The following EPHA7 variants were observed in gnomAD, a reference collection of about 807,000 sequenced individuals.
The protein encoded by EPHA7 is EPH receptor A7.
A neutral mutation model predicts 112.6 loss-of-function variants in EPHA7; 25 were observed. The ratio of observed to expected loss-of-function variants is 0.22; its 90% CI spans 0.16 to 0.31. EPHA7 has a LOEUF of 0.31. Ranked by LOEUF, EPHA7 falls within the 10% of genes least tolerant of loss-of-function variation. The probability of loss-of-function intolerance (pLI) is 1.00; values close to 1 mark genes in which losing one functional copy is unlikely to be tolerated. For missense variants in EPHA7, 962 were observed against 1,212.6 expected, an observed-to-expected ratio of 0.79 and a Z score of 3.07; for synonymous variants, 437 against 406.5, an observed-to-expected ratio of 1.07 and a Z score of -0.90.
At chr6:93,336,131 C>A (rs2127911449) in intron 5 of EPHA7, among the ~76,000 whole-genome samples, 1 of 152,056 alleles carries the variant, frequency 6.6e-6, no homozygotes, top group East Asian at 1.9e-4. Context: ...CTACTGCTAC[C>A]CTACTACTAG....
Position 93,242,475 on chromosome 6 carries a change from T to C in EPHA7, c.*951A>G. The C allele has an allele frequency of 5.1e-6, 1 of 197,562 alleles. No individual in the cohort carries two copies. Among genetic ancestry groups the C allele is most frequent in the South Asian group, 1.9e-4 (1 of 5,198 alleles). The allele number at this position is 197,562 out of a possible 1,614,324, so 12.2% of individuals were successfully genotyped here. On this transcript the variant is annotated 3_prime_UTR_variant, in exon 17 of 17. Coordinates refer to ENST00000369303, the MANE Select transcript of EPHA7 (RefSeq NM_004440.4). ...TAATGTCACGAGAATGAAAAAATCT[T>C]GATGTGCTCAGATTAATTTTTAGAT...
At position 93,246,932 on chromosome 6, in the gene EPHA7, T is replaced by A. The variant is rs2127847187; in HGVS notation, c.2586A>T (p.Pro862=). The A allele has an allele frequency of 6.2e-7, 1 of 1,613,592 alleles. No individual in the cohort carries two copies. The highest frequency in any genetic ancestry group is 1.7e-5 in the Admixed American group (1 of 60,022). ...CCAACATTAGCTGGTGAAGGCCAGC[T>A]GGGCAGTCCATGGGTGCTGGTAAAC... ...GYRLPAPMDC[P]AGLHQLMLDC... Residue 862 remains proline (P), a synonymous_variant, in exon 15 of 17, where the codon CCA becomes CCT. Coordinates refer to ENST00000369303, the MANE Select transcript of EPHA7 (RefSeq NM_004440.4).
intron 7 of EPHA7, among the ~76,000 whole-genome samples, chr6:93,265,253 TG>T (rs1417107041): frequency 6.6e-6 from 1 of 151,754 alleles, no homozygotes; most frequent in East Asian, 1.9e-4. Flanking sequence ...ACATTGTCTG[TG>T]TTAATTTTCA....
chr6:93,405,803 G>GTATA (rs1394311184), intron 3 of EPHA7, among the ~76,000 whole-genome samples: 8 of 62,440 alleles, frequency 1.3e-4, no homozygotes, highest in South Asian at 1.2e-3. Flanking sequence ...GTGTGTGTGT[G>GTATA]TGTGTGTGTG....
chr6:93,333,642 TTTTATGTATTTGCTGGCCACC>T (rs1167863060), intron 5 of EPHA7, among the ~76,000 whole-genome samples: 1 of 151,966 alleles, frequency 6.6e-6, no homozygotes, highest in Admixed American at 6.6e-5. Context: ...TTGAGCATTT[TTTTATGTATTTGCTGGCCACC>T]TGTATGTTCT....
At chr6:93,414,622 G>T in intron 2 of EPHA7, 81 bp downstream of exon 2, 1 of 1,038,570 alleles carries the variant, frequency 9.6e-7, no homozygotes. Context: ...CATGAAGAGT[G>T]TGAATAATTA....
intron 5 of EPHA7, among the ~76,000 whole-genome samples, chr6:93,337,617 T>C (rs771758955): frequency 6.6e-6 from 1 of 152,136 alleles, no homozygotes; most frequent in South Asian, 2.1e-4. Context: ...ATTTCTCTCA[T>C]AGAGAGCTGG....
chr6:93,403,565 A>G (rs1226663558), intron 3 of EPHA7, among the ~76,000 whole-genome samples: 1 of 151,862 alleles, frequency 6.6e-6, no homozygotes, highest in East Asian at 1.9e-4. Flanking sequence ...ACTTGAGCCC[A>G]GGAGTGCTGG....
chr6:93,406,048 T>C (rs145664866), intron 3 of EPHA7, among the ~76,000 whole-genome samples: 122 of 150,592 alleles, frequency 8.1e-4, no homozygotes, highest in African/African-American at 2.9e-3. Flanking sequence ...AATTATATAT[T>C]ATTAAAATAA....
rs561923833 is a variant in EPHA7, at chr6:93,410,488, A to G, written c.832+13T>C. 4.4e-6 allele frequency: 7 copies of G among 1,600,542 alleles called. No homozygotes were observed. Among genetic ancestry groups the G allele is most frequent in the Non-Finnish European group, 6.0e-6 (7 of 1,173,034 alleles). On this transcript the variant is annotated intron_variant, in intron 3 of 16. Transcript: ENST00000369303. This position sits in a 1 kb window ranked among gnomAD's most constrained non-coding sequence, Gnocchi z 4.0. ...AAAGGCAAAGTGGAGTTTTAATAGG[A>G]CACATTACTTACGTTCACAAGTGTC...
intron 5 of EPHA7, among the ~76,000 whole-genome samples, chr6:93,287,485 T>A (rs138569617): frequency 6.8e-4 from 104 of 151,904 alleles, no homozygotes; most frequent in African/African-American, 2.3e-3. Flanking sequence ...TTGGCTTTTG[T>A]GGCACATTCT....
intron 15 of EPHA7, among the ~76,000 whole-genome samples, chr6:93,246,464 C>A (rs1172335411): frequency 6.6e-6 from 1 of 152,000 alleles, no homozygotes; most frequent in Admixed American, 6.6e-5. Context: ...GTAATAAAAA[C>A]CCATGTAATA....
At chr6:93,379,111 C>T (rs773830349) in intron 3 of EPHA7, among the ~76,000 whole-genome samples, 1 of 151,938 alleles carries the variant, frequency 6.6e-6, no homozygotes, top group African/African-American at 2.4e-5. Flanking sequence ...TAGCATTACT[C>T]AAGTAAAAAT....
At chr6:93,377,324 G>C (rs1189536496) in intron 3 of EPHA7, among the ~76,000 whole-genome samples, 1 of 151,776 alleles carries the variant, frequency 6.6e-6, no homozygotes, top group Non-Finnish European at 1.5e-5. Flanking sequence ...TTACTTCTAG[G>C]CTCCAGGTAT....
chr6:93,265,398 A>G (rs1770885309), intron 7 of EPHA7, among the ~76,000 whole-genome samples: 1 of 151,666 alleles, frequency 6.6e-6, no homozygotes, highest in South Asian at 2.1e-4. Context: ...ATACAATACT[A>G]AATAATTCTT....
intron 5 of EPHA7, among the ~76,000 whole-genome samples, chr6:93,312,548 C>T (rs1428201470): frequency 2.6e-5 from 4 of 152,144 alleles, no homozygotes; most frequent in African/African-American, 7.2e-5. Context: ...AATGTTATGG[C>T]TGGTTTGATC....
intron 14 of EPHA7, among the ~76,000 whole-genome samples, chr6:93,252,442 AT>A (rs1391933918): frequency 6.7e-6 from 1 of 148,632 alleles, no homozygotes; most frequent in East Asian, 2.0e-4. Flanking sequence ...AGAAAAAAAA[AT>A]AATATATTCA....
chr6:93,280,221 T>G (rs968130174), intron 5 of EPHA7, among the ~76,000 whole-genome samples: 21 of 152,150 alleles, frequency 1.4e-4, no homozygotes, highest in Non-Finnish European at 2.2e-4. Context: ...TGGGAGACAG[T>G]AAAGAGCAAA....
chr6:93,304,626 C>T (rs1308665393), intron 5 of EPHA7, among the ~76,000 whole-genome samples: 1 of 152,022 alleles, frequency 6.6e-6, no homozygotes, highest in Non-Finnish European at 1.5e-5. Flanking sequence ...TAATGAAGGC[C>T]ATTGTTTTAT....
Sources: gnomAD v4.1 joint callset for allele counts (sites outside exome capture counted in the v4.1 genomes callset) on GRCh38, gnomAD v4.1.1 for gene constraint, Gnocchi (gnomAD v3.1) non-coding constraint, MANE v1.5 for transcripts, NCBI Gene and HGNC (gene_info 2026-07-23, HGNC 2026-07-21) for gene names.